THSD7A: variants seen among roughly 807,000 people sequenced by gnomAD.
THSD7A encodes the protein thrombospondin type-1 domain-containing protein 7A.
Under a neutral mutation model 231.3 loss-of-function variants are expected in THSD7A, and 96 were observed. That is an observed-to-expected ratio of 0.41 (90% CI 0.35 to 0.49). The LOEUF is 0.49. THSD7A is among the 20% of genes least tolerant of loss of function. The pLI, the probability that THSD7A is intolerant of heterozygous loss-of-function variation, is 0.05. For synonymous variants in THSD7A, 940 were observed against 743.3 expected (o/e 1.26, Z -4.30); for missense variants, 2,290 against 2,070.2 (o/e 1.11, Z -2.06).
intron 1 of THSD7A, among the ~76,000 whole-genome samples, chr7:11,677,111 T>A (rs1157565522): frequency 6.6e-6 from 1 of 151,946 alleles, no homozygotes; most frequent in Non-Finnish European, 1.5e-5. Flanking sequence ...GAGGCTAACA[T>A]TCAACATTTT....
intron 1 of THSD7A, among the ~76,000 whole-genome samples, chr7:11,754,468 A>G (rs1358644576): frequency 6.6e-6 from 1 of 152,086 alleles, no homozygotes; most frequent in Non-Finnish European, 1.5e-5. Flanking sequence ...AGAAAATATT[A>G]TAATTGAAGA....
intron 1 of THSD7A, among the ~76,000 whole-genome samples, chr7:11,807,438 T>C (rs113021341): frequency 1.4e-4 from 21 of 152,300 alleles, no homozygotes; most frequent in African/African-American, 5.1e-4. Flanking sequence ...TTTTGTAGTA[T>C]TAATCAAGTA....
At chr7:11,672,575 T>C (rs942006923) in intron 1 of THSD7A, among the ~76,000 whole-genome samples, 1 of 152,196 alleles carries the variant, frequency 6.6e-6, no homozygotes, top group African/African-American at 2.4e-5. Context: ...CACATAAATG[T>C]CACATCTTTA....
intron 7 of THSD7A, among the ~76,000 whole-genome samples, chr7:11,479,295 G>A (rs1290781529): frequency 6.6e-6 from 1 of 152,190 alleles, no homozygotes; most frequent in Non-Finnish European, 1.5e-5. Flanking sequence ...ATTAAGATAA[G>A]TGAAAGTATA....
chr7:11,401,708 G>A (rs986401875), intron 23 of THSD7A, 87 bp downstream of exon 23: 3 of 1,317,282 alleles, frequency 2.3e-6, no homozygotes, highest in African/African-American at 1.5e-5. Context: ...CACCGCACGT[G>A]GCCAACTTTG....
chr7:11,498,376 C>A (rs1028970563), intron 6 of THSD7A, among the ~76,000 whole-genome samples: 1 of 152,172 alleles, frequency 6.6e-6, no homozygotes, highest in East Asian at 1.9e-4. Flanking sequence ...CAGACTGCTG[C>A]TTTAAACAGG....
chr7:11,478,139 T>C (rs573053816), intron 7 of THSD7A, among the ~76,000 whole-genome samples: 4 of 152,274 alleles, frequency 2.6e-5, no homozygotes, highest in African/African-American at 9.6e-5. Flanking sequence ...CCATTACCCA[T>C]TGTTATCTCC....
chr7:11,720,211 A>G lies in THSD7A; in HGVS notation c.191-83250T>C, dbSNP rs115897199. 1.8e-3 allele frequency among the ~76,000 whole-genome samples: 272 copies of G among 151,874 alleles called. 1 individual carries two copies. The highest frequency in any genetic ancestry group is 6.3e-3 in the African/African-American group (263 of 41,498). ...TCACACAGCCATTCTCTACCAGAAA[A>G]CTGTCAAACCATTTCCACAAATCAT... On this transcript the variant is annotated intron_variant, in intron 1 of 27. Coordinates refer to ENST00000423059, the MANE Select transcript of THSD7A (RefSeq NM_015204.3).
rs112612887 is a variant in THSD7A, at chr7:11,458,023, C to A, written c.2605+2639G>T. On this transcript the variant is annotated intron_variant, in intron 11 of 27. Coordinates refer to ENST00000423059, the MANE Select transcript of THSD7A (RefSeq NM_015204.3). ...TTTAAAGATCTTCATTCTTTCCTAACATTTATAGCTTTTTCTACAGTCTTC... is the reference window on the plus strand; with the variant it reads ...TTTAAAGATCTTCATTCTTTCCTAAAATTTATAGCTTTTTCTACAGTCTTC... 7.4e-3 allele frequency among the ~76,000 whole-genome samples: 1,132 copies of A among 152,120 alleles called. 16 individuals are homozygous for A. The highest frequency in any genetic ancestry group is 0.026 in the African/African-American group (1,078 of 41,542).
intron 2 of THSD7A, among the ~76,000 whole-genome samples, chr7:11,624,890 C>T (rs1295184167): frequency 1.3e-5 from 2 of 152,016 alleles, no homozygotes; most frequent in Non-Finnish European, 2.9e-5. Flanking sequence ...TCTCCTTCAC[C>T]TATTTTGTAT....
chr7:11,420,451 G>A (rs75046403), intron 16 of THSD7A, among the ~76,000 whole-genome samples: 2,501 of 152,350 alleles, frequency 0.016, 33 homozygotes, highest in South Asian at 0.046. Context: ...TCCACATGGT[G>A]TTGGGCCTGT....
intron 1 of THSD7A, among the ~76,000 whole-genome samples, chr7:11,824,281 C>G (rs1179717482): frequency 6.6e-6 from 1 of 152,166 alleles, no homozygotes; most frequent in South Asian, 2.1e-4. Flanking sequence ...ATTCACTACA[C>G]TGAGGGACTT....
At chr7:11,666,714 T>C (rs1584175849) in intron 1 of THSD7A, among the ~76,000 whole-genome samples, 2 of 151,070 alleles carry the variant, frequency 1.3e-5, no homozygotes, top group African/African-American at 4.8e-5. Flanking sequence ...TAATATATAG[T>C]ATAAATTTTA....
intron 4 of THSD7A, among the ~76,000 whole-genome samples, chr7:11,567,267 C>CTCT (rs1790387843): frequency 1.3e-5 from 2 of 151,780 alleles, no homozygotes; most frequent in South Asian, 4.2e-4. Flanking sequence ...AGACACTTCC[C>CTCT]CCTCAAGGCA....
chr7:11,412,780 G>A lies in THSD7A; in HGVS notation c.3558C>T (p.Phe1186=), dbSNP rs1156885212. 2 of 1,612,650 alleles carry A rather than the reference G, an allele frequency of 1.2e-6. No individual in the cohort carries two copies. Among genetic ancestry groups the A allele is most frequent in the Non-Finnish European group, 1.7e-6 (2 of 1,179,270 alleles). The change falls in exon 18 of 28, where the codon TTC becomes TTT. Residue 1186 remains phenylalanine, a synonymous_variant. Coordinates refer to ENST00000423059, the MANE Select transcript of THSD7A (RefSeq NM_015204.3). Reference sequence around the variant, plus strand: ...TGATGGGATCAGCTGACCTTTGCCGGAAACTGCTTTGATTGCAAGGCTTAA... The same window carrying A: ...TGATGGGATCAGCTGACCTTTGCCGAAAACTGCTTTGATTGCAAGGCTTAA... The part of the protein sequence containing the change: ...QCVLPCNQSS[F]RQRSADPIRQ...
chr7:11,618,586 G>C (rs1282361349), intron 2 of THSD7A, among the ~76,000 whole-genome samples: 1 of 151,974 alleles, frequency 6.6e-6, no homozygotes, highest in Non-Finnish European at 1.5e-5. Context: ...CGGATCACGA[G>C]GTCAGGAGAC....
chr7:11,582,391 T>C (rs1179330663), intron 4 of THSD7A, among the ~76,000 whole-genome samples: 1 of 152,066 alleles, frequency 6.6e-6, no homozygotes, highest in Non-Finnish European at 1.5e-5. Context: ...TTTCCACCTT[T>C]TTCCTAAGCA....
intron 2 of THSD7A, among the ~76,000 whole-genome samples, chr7:11,624,121 C>T (rs1417761805): frequency 3.3e-5 from 5 of 152,062 alleles, no homozygotes; most frequent in Admixed American, 2.6e-4. Context: ...TAAATGAAAA[C>T]TGCCAATATT....
At chr7:11,713,468 G>T (rs1291301337) in intron 1 of THSD7A, among the ~76,000 whole-genome samples, 3 of 151,152 alleles carry the variant, frequency 2.0e-5, no homozygotes, top group African/African-American at 7.3e-5. Flanking sequence ...CTGAGAATGA[G>T]AACTAAATTT....
Sources: allele counts gnomAD v4.1 joint callset (sites outside exome capture counted in the v4.1 genomes callset), GRCh38; gene constraint gnomAD v4.1.1; transcripts MANE v1.5; gene names NCBI Gene and HGNC (gene_info 2026-07-23, HGNC 2026-07-21).